The following SERINC5 variants were observed in gnomAD, a reference collection of about 807,000 sequenced individuals.
The protein encoded by SERINC5 is chromosome 5 open reading frame 12.
In SERINC5, 41 loss-of-function variants were observed where a neutral mutation model predicts 63.1. The ratio of observed to expected loss-of-function variants is 0.65; its 90% CI spans 0.51 to 0.84. The LOEUF is 0.84. SERINC5 is among the 40% of genes least tolerant of loss of function. SERINC5 has a pLI of 0.00. For missense variants in SERINC5, 523 were observed against 573.0 expected (o/e 0.91, Z 0.89); for synonymous variants, 222 against 215.2 (o/e 1.03, Z -0.28).
intron 5 of SERINC5, among the ~76,000 whole-genome samples, chr5:80,171,260 G>T (rs1014364994): frequency 9.2e-5 from 14 of 152,044 alleles, no homozygotes; most frequent in African/African-American, 3.4e-4. Context: ...ACCCACCTCT[G>T]CCTCCCAAAG....
chr5:80,138,140 CAG>C (rs1476587616), downstream of SERINC5, among the ~76,000 whole-genome samples: 1 of 150,382 alleles, frequency 6.6e-6, no homozygotes, highest in Non-Finnish European at 1.5e-5. Flanking sequence ...TTAAGAGATG[CAG>C]AGTGTAAAGG....
chr5:80,192,466 C>T (rs1368096031), intron 2 of SERINC5, among the ~76,000 whole-genome samples: 1 of 151,440 alleles, frequency 6.6e-6, no homozygotes, highest in African/African-American at 2.4e-5. Context: ...AATAAAGTAC[C>T]TTAATTTATC....
At chr5:80,232,540 C>T (rs1397178929) in intron 1 of SERINC5, among the ~76,000 whole-genome samples, 11 of 149,542 alleles carry the variant, frequency 7.4e-5, no homozygotes, top group Middle Eastern at 3.7e-3. Flanking sequence ...AATCCCAGCA[C>T]TTTGGGAGGC....
intron 1 of SERINC5, among the ~76,000 whole-genome samples, chr5:80,248,734 T>G (rs1374967003): frequency 2.0e-5 from 3 of 152,118 alleles, no homozygotes. Context: ...GGCCTCAATG[T>G]TAATGCAGTG....
chr5:80,136,868 G>A (rs936862876), downstream of SERINC5, among the ~76,000 whole-genome samples: 2 of 152,200 alleles, frequency 1.3e-5, no homozygotes, highest in African/African-American at 4.8e-5. Flanking sequence ...GGGTGCAGTG[G>A]CTCGCGCCTG....
rs1162170869 is a variant in SERINC5 at position 80,143,633 on chromosome 5, C to T, written c.*30G>A. On this transcript the variant is annotated 3_prime_UTR_variant, in exon 12 of 12. Coordinates refer to ENST00000507668, the MANE Select transcript of SERINC5 (RefSeq NM_001174072.3). ...AAGATGGCACTTTCCAGGCTGTAGG[C>T]CCACAAAGCCCAGGGGACCGCCGAT... 5.9e-6 allele frequency: 9 copies of T among 1,532,216 alleles called. No homozygotes were observed. The highest frequency in any genetic ancestry group is 7.9e-6 in the Non-Finnish European group (9 of 1,144,212). 94.9% of individuals were successfully genotyped at this position (1,532,216 alleles called of 1,614,324 possible).
chr5:80,235,156 A>G (rs943592814), intron 1 of SERINC5, among the ~76,000 whole-genome samples: 1 of 152,230 alleles, frequency 6.6e-6, no homozygotes, highest in Admixed American at 6.5e-5. Flanking sequence ...TAGACACTTC[A>G]TATGAGTGGA....
At chr5:80,206,619 G>A (rs1436421041) in intron 1 of SERINC5, among the ~76,000 whole-genome samples, 1 of 152,108 alleles carries the variant, frequency 6.6e-6, no homozygotes, top group Non-Finnish European at 1.5e-5. Flanking sequence ...ATGTGTGGGT[G>A]TTTTATGGGC....
chr5:80,117,355 G>A (rs1032446769), intron 11 of SERINC5, among the ~76,000 whole-genome samples: 4 of 152,060 alleles, frequency 2.6e-5, no homozygotes, highest in African/African-American at 4.8e-5. Context: ...GAATTAGTGC[G>A]AGGCTTAACT....
At chr5:80,115,694 C>G (rs1008212893) in intron 11 of SERINC5, among the ~76,000 whole-genome samples, 1 of 151,984 alleles carries the variant, frequency 6.6e-6, no homozygotes, top group South Asian at 2.1e-4. Context: ...TGCTGTTTTA[C>G]GTTTTCTTCT....
intron 2 of SERINC5, among the ~76,000 whole-genome samples, chr5:80,193,548 C>T (rs982702124): frequency 4.6e-5 from 7 of 152,192 alleles, no homozygotes; most frequent in African/African-American, 1.4e-4. Flanking sequence ...CTGGTGCTCC[C>T]GCAAACGTGC....
intron 2 of SERINC5, among the ~76,000 whole-genome samples, chr5:80,189,410 C>G (rs945632144): frequency 6.6e-6 from 1 of 152,168 alleles, no homozygotes; most frequent in South Asian, 2.1e-4. Context: ...ACCCTCTGAG[C>G]CAAAGACACA....
intron 2 of SERINC5, among the ~76,000 whole-genome samples, chr5:80,193,209 A>T (rs1749305732): frequency 6.6e-6 from 1 of 152,232 alleles, no homozygotes; most frequent in African/African-American, 2.4e-5. Flanking sequence ...TTCTATGCAG[A>T]GTAAGTATCA....
At chr5:80,165,452 G>T (rs1014899850) in intron 7 of SERINC5, among the ~76,000 whole-genome samples, 29 of 152,122 alleles carry the variant, frequency 1.9e-4, no homozygotes, top group Admixed American at 2.6e-4. Flanking sequence ...TTATGTGTAT[G>T]TATGTATATA....
chr5:80,160,964 GTATA>G (rs111930431), intron 7 of SERINC5, among the ~76,000 whole-genome samples: 3 of 148,562 alleles, frequency 2.0e-5, no homozygotes, highest in African/African-American at 7.5e-5. Context: ...ATATGTGTGT[GTATA>G]TATATGTATA....
At chr5:80,249,364 A>G (rs921875547) in intron 1 of SERINC5, among the ~76,000 whole-genome samples, 2 of 152,140 alleles carry the variant, frequency 1.3e-5, no homozygotes, top group African/African-American at 4.8e-5. Context: ...CTATCTACAT[A>G]TGAATGTAAA....
At chr5:80,120,571 T>C (rs551669122) in intron 11 of SERINC5, among the ~76,000 whole-genome samples, 17 of 152,242 alleles carry the variant, frequency 1.1e-4, no homozygotes, top group African/African-American at 4.1e-4. Flanking sequence ...CCCAGCACTT[T>C]GGGAGGCTGA....
intron 3 of SERINC5, 54 bp from the exon 4 acceptor site, chr5:80,177,451 G>T: frequency 7.1e-7 from 1 of 1,407,914 alleles, no homozygotes; most frequent in Non-Finnish European, 1.0e-6. Context: ...ATTCAAGAAG[G>T]ACAAAGGACC....
intron 7 of SERINC5, among the ~76,000 whole-genome samples, chr5:80,161,027 TACACAC>T (rs1160580211): frequency 1.6e-5 from 2 of 121,286 alleles, no homozygotes; most frequent in African/African-American, 1.1e-4. Context: ...TGTATATATA[TACACAC>T]GTGTATATAT....
Sources: gnomAD v4.1 joint callset for allele counts (sites outside exome capture counted in the v4.1 genomes callset) on GRCh38, gnomAD v4.1.1 for gene constraint, MANE v1.5 for transcripts, NCBI Gene and HGNC (gene_info 2026-07-23, HGNC 2026-07-21) for gene names.